The following SCGB1A1 variants were observed in gnomAD, a reference collection of about 807,000 sequenced individuals.
SCGB1A1 encodes the protein secretoglobin family 1A member 1.
SCGB1A1 carries 8 observed loss-of-function variants against 7.5 expected under a neutral mutation model. The ratio of observed to expected loss-of-function variants is 1.07; its 90% CI spans 0.63 to 1.92. The LOEUF is 1.92. SCGB1A1 is among the 30% of genes most tolerant of loss of function. SCGB1A1 has a pLI of 0.00. For missense variants in SCGB1A1, 121 were observed against 112.7 expected (o/e 1.07, Z -0.33); for synonymous variants, 44 against 40.8 (o/e 1.08, Z -0.30).
At chr11:62,422,744 T>C (rs979002053) in intron 2 of SCGB1A1, among the ~76,000 whole-genome samples, 1 of 152,092 alleles carries the variant, frequency 6.6e-6, no homozygotes, top group African/African-American at 2.4e-5. Context: ...CGAGCTAATT[T>C]CTGTATTTTT....
intron 1 of SCGB1A1, among the ~76,000 whole-genome samples, chr11:62,420,146 C>G (rs1004238249): frequency 5.3e-5 from 8 of 152,032 alleles, no homozygotes; most frequent in African/African-American, 1.9e-4. Flanking sequence ...GATCTCAGTG[C>G]TGTCTGCGTA....
intron 2 of SCGB1A1, among the ~76,000 whole-genome samples, chr11:62,422,686 G>A (rs1045159220): frequency 4.7e-5 from 7 of 147,964 alleles, no homozygotes; most frequent in East Asian, 4.0e-4. Flanking sequence ...GCGATTCTCC[G>A]GCCTCAGCCT....
chr11:62,423,182 C>A lies in SCGB1A1; in HGVS notation c.*91C>A. ...CACCAGCCTTGCTCTCTTCAATAAA[C>A]CACAAGCATCTCACTTTTGTGCCCC... On this transcript the variant is annotated 3_prime_UTR_variant, in exon 3 of 3. Coordinates refer to ENST00000278282, the MANE Select transcript of SCGB1A1 (RefSeq NM_003357.5). The A allele has an allele frequency of 7.4e-7, 1 of 1,349,322 alleles. No homozygotes were observed. Among genetic ancestry groups the A allele is most frequent in the Non-Finnish European group, 1.1e-6 (1 of 943,030 alleles). The allele number at this position is 1,349,322 out of a possible 1,614,324, so 83.6% of individuals were successfully genotyped here. A position where few individuals can be genotyped will look rare whatever the true frequency, so the allele number is the denominator to read the frequency against.
In SCGB1A1 at chr11:62,419,101, A is replaced by G. The variant is rs1937714823; in HGVS notation, c.6A>G (p.Lys2=). 3 of 1,578,216 alleles carry G rather than the reference A, an allele frequency of 1.9e-6. No individual in the cohort carries two copies. The highest frequency in any genetic ancestry group is 2.6e-6 in the Non-Finnish European group (3 of 1,159,228). ...GAGCATCCCCCTCCTCCACCATGAA[A>G]CTCGCTGTCACCCTCACCCTGGTCA... M[K]LAVTLTLVTL... The change falls in exon 1 of 3, where the codon AAA becomes AAG. Residue 2 remains lysine (K), a synonymous_variant. Transcript: ENST00000278282.
rs1937820938 is a variant in SCGB1A1 at position 62,422,412 on chromosome 11, A to C, written c.243+4A>C. On this transcript the variant is annotated splice_donor_region_variant and intron_variant, in intron 2 of 2. Transcript: ENST00000278282. ...AGAAAGCATCATTAAGCTCATGGTA[A>C]CCAGCACCTTTCACGTCACACTGGT... 2 of 1,609,324 alleles carry C rather than the reference A, an allele frequency of 1.2e-6. No homozygotes were observed. The highest frequency in any genetic ancestry group is 1.7e-6 in the Non-Finnish European group (2 of 1,176,856).
At chr11:62,420,314 C>CT (rs535582329) in intron 1 of SCGB1A1, among the ~76,000 whole-genome samples, 3,877 of 129,434 alleles carry the variant, frequency 0.03, 138 homozygotes, top group African/African-American at 0.075. Flanking sequence ...TCTTTTCATT[C>CT]TTTTTTTTTT....
chr11:62,420,990 A>T (rs891291660), intron 1 of SCGB1A1, among the ~76,000 whole-genome samples: 11 of 152,026 alleles, frequency 7.2e-5, no homozygotes, highest in Non-Finnish European at 1.0e-4. Context: ...TTAAAAAATA[A>T]AAAATAAAAT....
At chr11:62,420,436 C>T (rs981427625) in intron 1 of SCGB1A1, among the ~76,000 whole-genome samples, 4 of 151,114 alleles carry the variant, frequency 2.6e-5, no homozygotes, top group African/African-American at 9.7e-5. Flanking sequence ...GCCTCAGCCT[C>T]CCAAGTAGGT....
At chr11:62,420,572 A>C (rs2134743961) in intron 1 of SCGB1A1, among the ~76,000 whole-genome samples, 1 of 149,942 alleles carries the variant, frequency 6.7e-6, no homozygotes, top group Admixed American at 6.6e-5. Flanking sequence ...TAGGCCTCCC[A>C]AAGTGCTGGG....
Position 62,422,571 on chromosome 11 carries a change from C to CTTTTTT in SCGB1A1, c.243+179_243+184dup, listed in dbSNP as rs35723955. Among the ~76,000 whole-genome samples, 38 of 112,404 alleles carry CTTTTTT rather than the reference C, an allele frequency of 3.4e-4. 1 individual carries two copies. Among genetic ancestry groups the CTTTTTT allele is most frequent in the African/African-American group, 1.2e-3 (35 of 28,422 alleles). The allele number at this position is 112,404 out of a possible 152,430, so 73.7% of individuals were successfully genotyped here. A position where few individuals can be genotyped will look rare whatever the true frequency, so the allele number is the denominator to read the frequency against. ...TGATCTTTCTAGACATCTCCTCTTCCTTTTTTTTTTTTTTTTTTTTTGAGA... is the reference window on the plus strand; with the variant it reads ...TGATCTTTCTAGACATCTCCTCTTCCTTTTTTTTTTTTTTTTTTTTTTTTTTTGAGA... On this transcript the variant is annotated intron_variant, in intron 2 of 2. Transcript: ENST00000278282.
At chr11:62,422,478 G>A in intron 2 of SCGB1A1, 70 bp downstream of exon 2, 1 of 1,326,608 alleles carries the variant, frequency 7.5e-7, no homozygotes, top group Non-Finnish European at 1.0e-6. Flanking sequence ...GATTGCCCCA[G>A]TTTTCAGACC....
rs1389296624 is a variant in SCGB1A1, at chr11:62,421,321, GA to G, written c.56-898del. 2.0e-5 allele frequency among the ~76,000 whole-genome samples: 3 copies of G among 152,308 alleles called. No individual in the cohort carries two copies. In the East Asian group the frequency reaches 5.8e-4, roughly 29 times the overall value. The stretch of plus-strand genomic sequence containing the variant: ...AAACAGAGTCTGGAAGCTCTGTGTT[GA>G]AGGGAATGAAGTGGTACAAGTGGCT... On this transcript the variant is annotated intron_variant, in intron 1 of 2. Transcript: ENST00000278282.
chr11:62,422,543 C>T, intron 2 of SCGB1A1, 135 bp downstream of exon 2: 1 of 515,308 alleles, frequency 1.9e-6, no homozygotes, highest in Non-Finnish European at 3.4e-6. Flanking sequence ...GCAGGCAGCA[C>T]AGTGATCTTT....
chr11:62,420,670 C>T (rs1239198686), intron 1 of SCGB1A1, among the ~76,000 whole-genome samples: 1 of 150,774 alleles, frequency 6.6e-6, no homozygotes, highest in Non-Finnish European at 1.5e-5. Flanking sequence ...CACGGTGGCT[C>T]ACGCCTGTAA....
In SCGB1A1 at chr11:62,419,132, G is replaced by C. The variant is rs1422658902; in HGVS notation, c.37G>C (p.Ala13Pro). ...TGTCACCCTCACCCTGGTCACACTG[G>C]CTCTCTGCTGCAGCTCCGGTGAGTG... Reference protein sequence around the residue: ...LAVTLTLVTLALCCSSASAEI... With the variant: ...LAVTLTLVTLPLCCSSASAEI... Residue 13 changes from alanine to proline, a missense_variant, in exon 1 of 3, where the codon GCT becomes CCT. Transcript: ENST00000278282. The C allele has an allele frequency of 1.9e-6, 3 of 1,580,810 alleles. No individual in the cohort carries two copies. In the African/African-American group the frequency reaches 4.1e-5, roughly 21 times the overall value.
chr11:62,422,125 G>A (rs138580984), intron 1 of SCGB1A1, 96 bp from the exon 2 acceptor site: 37 of 961,468 alleles, frequency 3.8e-5, no homozygotes, highest in Middle Eastern at 2.7e-4. Context: ...TCTCGCTGAT[G>A]GGCCTGGCTG....
intron 2 of SCGB1A1, 30 bp from the exon 3 acceptor site, chr11:62,423,029 T>C: frequency 6.2e-7 from 1 of 1,609,118 alleles, no homozygotes; most frequent in Non-Finnish European, 8.5e-7. Context: ...TTGTATTGGG[T>C]TTTTCTGTTT....
rs555098043 is a variant in SCGB1A1, at chr11:62,419,044, C to T, written c.-52C>T. The T allele has an allele frequency of 1.0e-4, 152 of 1,516,702 alleles. No homozygotes were observed. Among genetic ancestry groups the T allele is most frequent in the Non-Finnish European group, 1.3e-4 (144 of 1,117,814 alleles). 94.0% of individuals were successfully genotyped at this position (1,516,702 alleles called of 1,614,324 possible). On this transcript the variant is annotated 5_prime_UTR_variant, in exon 1 of 3. Coordinates refer to ENST00000278282, the MANE Select transcript of SCGB1A1 (RefSeq NM_003357.5). ...GCTGGGCATGTCTCATACTAGCCCA[C>T]CAGACTCAGAGACGGAACCAGAGAC...
intron 2 of SCGB1A1, among the ~76,000 whole-genome samples, 155 bp downstream of exon 2, chr11:62,422,563 T>G (rs1231478388): frequency 7.1e-6 from 1 of 141,616 alleles, no homozygotes; most frequent in Non-Finnish European, 1.5e-5. Context: ...TCTAGACATC[T>G]CCTCTTCCTT....
Sources: gnomAD v4.1 joint callset for allele counts (sites outside exome capture counted in the v4.1 genomes callset) on GRCh38, gnomAD v4.1.1 for gene constraint, MANE v1.5 for transcripts, NCBI Gene and HGNC (gene_info 2026-07-23, HGNC 2026-07-21) for gene names.